The following RNF168 variants were observed in gnomAD, a reference collection of about 807,000 sequenced individuals.
RNF168 encodes the protein E3 ubiquitin-protein ligase RNF168.
RNF168 carries 34 observed loss-of-function variants against 34.9 expected under a neutral mutation model. The observed-to-expected ratio is 0.97, with a 90% confidence interval of 0.74 to 1.30. The LOEUF (loss-of-function observed/expected upper bound fraction) is 1.30. Among genes scored for constraint, RNF168 ranks in the 50% most tolerant of loss-of-function variants. RNF168 has a pLI of 0.00. For synonymous variants in RNF168, 264 were observed against 254.7 expected, an observed-to-expected ratio of 1.04 and a Z score of -0.35; for missense variants, 725 against 682.5, an observed-to-expected ratio of 1.06 and a Z score of -0.69.
In RNF168 at chr3:196,472,655, T is replaced by A; in HGVS notation, c.880A>T (p.Ile294Leu). Reference protein sequence around the residue: ...GVGEQGADSSIESPMPWLCAC... With the variant: ...GVGEQGADSSLESPMPWLCAC... ...CATAACCATGGCATAGGGGACTCTA[T>A]TGAAGAATCTGCACCTTGTTCTCCA... The change falls in exon 6 of 6, where the codon ATA (isoleucine) becomes TTA (leucine). Residue 294 changes from isoleucine to leucine, a missense_variant. By Grantham distance (5) the Ile-to-Leu change is conservative. Coordinates refer to ENST00000318037, the MANE Select transcript of RNF168 (RefSeq NM_152617.4). 6.2e-7 allele frequency: 1 copy of A among 1,608,944 alleles called. No individual in the cohort carries two copies. The highest frequency in any genetic ancestry group is 8.5e-7 in the Non-Finnish European group (1 of 1,175,682).
intron 4 of RNF168, among the ~76,000 whole-genome samples, chr3:196,483,164 A>G (rs1250305754): frequency 6.6e-6 from 1 of 151,898 alleles, no homozygotes; most frequent in African/African-American, 2.4e-5. Flanking sequence ...CTCCCACCTC[A>G]AATACAAAAT....
intron 4 of RNF168, among the ~76,000 whole-genome samples, chr3:196,475,552 C>T (rs367767012): frequency 1.4e-3 from 191 of 133,380 alleles, no homozygotes; most frequent in Middle Eastern, 3.9e-3. Flanking sequence ...AATATTTTTT[C>T]TTTTTTTTTT....
intron 3 of RNF168, among the ~76,000 whole-genome samples, chr3:196,485,414 G>C (rs1215437906): frequency 6.6e-6 from 1 of 151,954 alleles, no homozygotes. Flanking sequence ...GGCTGAGGCA[G>C]GAGCATCGCT....
At chr3:196,497,931 T>A (rs1025543861) in intron 1 of RNF168, among the ~76,000 whole-genome samples, 1 of 152,124 alleles carries the variant, frequency 6.6e-6, no homozygotes, top group East Asian at 1.9e-4. Flanking sequence ...CACTTTACAA[T>A]GGAAGAGGGC....
At chr3:196,477,543 T>C (rs992364704) in intron 4 of RNF168, among the ~76,000 whole-genome samples, 1 of 152,242 alleles carries the variant, frequency 6.6e-6, no homozygotes, top group Non-Finnish European at 1.5e-5. Context: ...AATTTTCAGT[T>C]GAAAAGAAGC....
At chr3:196,495,188 T>TGTGTGC (rs1732710994) in intron 1 of RNF168, among the ~76,000 whole-genome samples, 1 of 152,090 alleles carries the variant, frequency 6.6e-6, no homozygotes, top group African/African-American at 2.4e-5. Flanking sequence ...TGTGTGTGTG[T>TGTGTGC]GTGTATTTTC....
chr3:196,481,682 G>GGTTTTTTTT (rs1577512919), intron 4 of RNF168, among the ~76,000 whole-genome samples: 9 of 62,392 alleles, frequency 1.4e-4, no homozygotes, highest in African/African-American at 5.7e-4. Context: ...TTTCAGCTGC[G>GGTTTTTTTT]TTTTTTTTTT....
chr3:196,489,615 C>A (rs1054683307), intron 1 of RNF168, among the ~76,000 whole-genome samples: 2 of 152,192 alleles, frequency 1.3e-5, no homozygotes, highest in Non-Finnish European at 1.5e-5. Context: ...GCGTGAGCCA[C>A]CGTGCCCGGC....
chr3:196,486,984 C>G (rs11707744), intron 3 of RNF168, among the ~76,000 whole-genome samples: 113,226 of 152,160 alleles, frequency 0.74, 43,928 homozygotes, highest in African/African-American at 0.93. Context: ...GGAGCCCGGC[C>G]GTCGAGGCTG....
intron 1 of RNF168, among the ~76,000 whole-genome samples, chr3:196,501,229 T>C (rs1388520377): frequency 2.0e-5 from 3 of 152,118 alleles, no homozygotes; most frequent in Admixed American, 6.6e-5. Flanking sequence ...CTCGTAGATA[T>C]ATAGACAAAA....
rs140913204 is a variant in RNF168, at chr3:196,503,142, A to T, written c.32T>A (p.Leu11Gln). Residue 11 changes from leucine to glutamine, a missense_variant, in exon 1 of 6, where the codon CTG becomes CAG. Leu to Gln is a moderately radical substitution (Grantham distance 113, BLOSUM62 -2). Coordinates refer to ENST00000318037, the MANE Select transcript of RNF168 (RefSeq NM_152617.4). MALPKDAIPS[L>Q]SECQCGICME... ...GCAGATCCCGCACTGGCACTCGGAC[A>T]GCGAGGGGATGGCGTCTTTGGGTAG... 2 of 1,614,102 alleles carry T rather than the reference A, an allele frequency of 1.2e-6. No individual in the cohort carries two copies. The highest frequency in any genetic ancestry group is 2.7e-5 in the African/African-American group (2 of 74,936).
rs932268174 is a variant in RNF168, at chr3:196,470,863, C to T, written c.*956G>A. On this transcript the variant is annotated 3_prime_UTR_variant, in exon 6 of 6. Transcript: ENST00000318037. Reference sequence around the variant, plus strand: ...AAAACCCTGATTTTCTGATTTAACACTGATTCGAATCCACTTTAAACCAAA... The same window carrying T: ...AAAACCCTGATTTTCTGATTTAACATTGATTCGAATCCACTTTAAACCAAA... 1 of 152,376 alleles carries T rather than the reference C, an allele frequency of 6.6e-6. No individual in the cohort carries two copies. The highest frequency in any genetic ancestry group is 1.5e-5 in the Non-Finnish European group (1 of 68,214). The allele number at this position is 152,376 out of a possible 1,614,324, so 9.4% of individuals were successfully genotyped here.
chr3:196,473,265 G>A (rs1274097779), intron 5 of RNF168, among the ~76,000 whole-genome samples: 1 of 152,126 alleles, frequency 6.6e-6, no homozygotes, highest in East Asian at 1.9e-4. Flanking sequence ...TTTAGGTGAA[G>A]CTTACAGACC....
chr3:196,472,285 T>A lies in RNF168; in HGVS notation c.1250A>T (p.Asp417Val). The change falls in exon 6 of 6, where the codon GAT (aspartate) becomes GTT (valine). Residue 417 changes from aspartate to valine, a missense_variant. Physicochemically the swap from Asp to Val is radical, Grantham distance 152. Coordinates refer to ENST00000318037, the MANE Select transcript of RNF168 (RefSeq NM_152617.4). The part of the protein sequence containing the change: ...RRKVSPESSP[D>V]QEETEINFTQ... ...AAAGTTTATTTCTGTTTCCTCTTGATCTGGGGAAGATTCGGGGGACACTTT... is the reference window on the plus strand; with the variant it reads ...AAAGTTTATTTCTGTTTCCTCTTGAACTGGGGAAGATTCGGGGGACACTTT... 1 of 1,614,016 alleles carries A rather than the reference T, an allele frequency of 6.2e-7. No homozygotes were observed. Among genetic ancestry groups the A allele is most frequent in the Non-Finnish European group, 8.5e-7 (1 of 1,179,860 alleles).
At position 196,472,241 on chromosome 3, in the gene RNF168, AATCT is replaced by A. The variant is rs1283299744; in HGVS notation, c.1290_1293del (p.Asp431TrpfsTer56). ...TGTCTCTCAAACAGTAGATGCTCCA[AATCT>A]ATCAGTTTTTGGGTAAAGTTTATTT... is the stretch of plus-strand genomic sequence containing the variant. On this transcript the variant is annotated frameshift_variant, in exon 6 of 6. Coordinates refer to ENST00000318037, the MANE Select transcript of RNF168 (RefSeq NM_152617.4). LOFTEE classifies it low-confidence loss of function (END_TRUNC). 3 of 1,613,924 alleles carry A rather than the reference AATCT, an allele frequency of 1.9e-6. No homozygotes were observed. Among genetic ancestry groups the A allele is most frequent in the Non-Finnish European group, 2.5e-6 (3 of 1,179,960 alleles).
intron 3 of RNF168, among the ~76,000 whole-genome samples, chr3:196,484,347 A>AT (rs1045518687): frequency 1.1e-4 from 17 of 147,982 alleles, no homozygotes; most frequent in South Asian, 2.1e-4. Context: ...AATTTTTTGT[A>AT]TTTTTTTTAG....
chr3:196,485,577 CTATTCCATTTAT>C (rs1177796877), intron 3 of RNF168, among the ~76,000 whole-genome samples: 1 of 151,944 alleles, frequency 6.6e-6, no homozygotes, highest in African/African-American at 2.4e-5. Context: ...TACTTCTTCC[CTATTCCATTTAT>C]TATTCCATTG....
chr3:196,492,713 G>A (rs1732625544), intron 1 of RNF168, among the ~76,000 whole-genome samples: 1 of 152,228 alleles, frequency 6.6e-6, no homozygotes, highest in Non-Finnish European at 1.5e-5. Flanking sequence ...GAGAGGCAGA[G>A]GTTGCAGTGA....
chr3:196,482,459 T>G (rs979260966), intron 4 of RNF168, among the ~76,000 whole-genome samples: 2 of 152,200 alleles, frequency 1.3e-5, no homozygotes, highest in Non-Finnish European at 2.9e-5. Flanking sequence ...TTTGGGTACA[T>G]ACCTAGGAGT....
Sources: allele counts gnomAD v4.1 joint callset (sites outside exome capture counted in the v4.1 genomes callset), GRCh38; gene constraint gnomAD v4.1.1; transcripts MANE v1.5; gene names NCBI Gene and HGNC (gene_info 2026-07-23, HGNC 2026-07-21).